Variants in RSBN1L observed in about 807,000 individuals in gnomAD.
The protein encoded by RSBN1L is lysine-specific demethylase RSBN1L.
Under a neutral mutation model 67.7 loss-of-function variants are expected in RSBN1L, and 30 were observed. The ratio of observed to expected loss-of-function variants is 0.44; its 90% CI spans 0.33 to 0.60. RSBN1L has a LOEUF of 0.60. RSBN1L is among the 20% of genes least tolerant of loss of function. RSBN1L has a pLI of 0.02. For missense variants in RSBN1L, 992 were observed against 1,031.7 expected, an observed-to-expected ratio of 0.96 and a Z score of 0.53; for synonymous variants, 433 against 387.0, an observed-to-expected ratio of 1.12 and a Z score of -1.39.
In RSBN1L at chr7:77,703,477, GTTTTTTTTTTT is replaced by G. The variant is rs71529102; in HGVS notation, c.586+6442_586+6452del. Among the ~76,000 whole-genome samples, 416 of 61,598 alleles carry G rather than the reference GTTTTTTTTTTT, an allele frequency of 6.8e-3. 1 individual carries two copies. The highest frequency in any genetic ancestry group is 0.011 in the Admixed American group (36 of 3,272). The allele number at this position is 61,598 out of a possible 152,430, so 40.4% of individuals were successfully genotyped here. A position where few individuals can be genotyped will look rare whatever the true frequency, so the allele number is the denominator to read the frequency against. ...GTGTCTCTTTTTTCCTACTGTTTGG[GTTTTTTTTTTT>G]TTTTTTTTTTTTTTTTTTTGAGAAG... On this transcript the variant is annotated intron_variant, in intron 1 of 7. Transcript: ENST00000334955.
At chr7:77,722,835 T>C (rs1029331292) in intron 1 of RSBN1L, among the ~76,000 whole-genome samples, 3 of 152,108 alleles carry the variant, frequency 2.0e-5, no homozygotes, top group African/African-American at 7.2e-5. Flanking sequence ...TATTATGGTG[T>C]GAATTATGGC....
rs769299351 is a variant in RSBN1L, at chr7:77,778,438, C to T, written c.1894C>T (p.Leu632=). Residue 632 remains leucine, a synonymous_variant, in exon 7 of 8, where the codon CTG becomes TTG. Coordinates refer to ENST00000334955, the MANE Select transcript of RSBN1L (RefSeq NM_198467.3). ...RMQLDLHEPP[L]SQCVQWVDDA... The stretch of plus-strand genomic sequence containing the variant: ...GCAGTTAGATTTACATGAACCTCCA[C>T]TGTCCCAGGTATTTTTAATACACTT... The T allele has an allele frequency of 1.9e-6, 3 of 1,609,548 alleles. No homozygotes were observed. In the South Asian group the frequency reaches 3.3e-5, roughly 18 times the overall value.
intron 5 of RSBN1L, among the ~76,000 whole-genome samples, chr7:77,770,906 GA>G (rs1791840121): frequency 1.3e-5 from 2 of 152,130 alleles, no homozygotes; most frequent in African/African-American, 4.8e-5. Context: ...GGAATGGATG[GA>G]GATGATGCTA....
chr7:77,762,537 C>G (rs899407800), intron 3 of RSBN1L, among the ~76,000 whole-genome samples: 2 of 152,060 alleles, frequency 1.3e-5, no homozygotes, highest in African/African-American at 2.4e-5. Context: ...ATGGCTAGGT[C>G]AGTAATACTT....
chr7:77,763,271 C>G (rs1791719619), intron 3 of RSBN1L, among the ~76,000 whole-genome samples: 1 of 151,510 alleles, frequency 6.6e-6, no homozygotes, highest in African/African-American at 2.4e-5. Flanking sequence ...GTGTCACCAC[C>G]CCTAACTCTA....
In RSBN1L at chr7:77,696,493, G is replaced by C; in HGVS notation, c.24G>C (p.Val8=). The C allele has an allele frequency of 6.2e-7, 1 of 1,613,184 alleles. No homozygotes were observed. Among genetic ancestry groups the C allele is most frequent in the Non-Finnish European group, 8.5e-7 (1 of 1,179,642 alleles). The part of the protein sequence containing the change: MAEPPSP[V]HCVAAAAPTA... ...AAATGGCGGAACCGCCGAGCCCCGT[G>C]CACTGTGTCGCTGCCGCGGCCCCCA... The change falls in exon 1 of 8, where the codon GTG becomes GTC. Residue 8 remains valine (V), a synonymous_variant. Transcript: ENST00000334955.
chr7:77,705,510 G>GTTTTTTTTTT lies in RSBN1L; in HGVS notation c.586+8465_586+8474dup, dbSNP rs56187940. ...ACCACTAGGTCTCTCCATTGTAATG[G>GTTTTTTTTTT]TTTTTTTTTTTTTTTTTTTGTGATG... On this transcript the variant is annotated intron_variant, in intron 1 of 7. Transcript: ENST00000334955. 8.6e-4 allele frequency among the ~76,000 whole-genome samples: 96 copies of GTTTTTTTTTT among 111,444 alleles called. 1 individual carries two copies. The highest frequency in any genetic ancestry group is 6.0e-3 in the Middle Eastern group (1 of 168). 73.1% of individuals were successfully genotyped at this position (111,444 alleles called of 152,430 possible). A position where few individuals can be genotyped will look rare whatever the true frequency, so the allele number is the denominator to read the frequency against.
intron 1 of RSBN1L, among the ~76,000 whole-genome samples, chr7:77,733,176 G>A (rs1357310148): frequency 5.3e-5 from 8 of 152,200 alleles, no homozygotes; most frequent in Admixed American, 1.3e-4. Context: ...AAAAAGGATA[G>A]GCTCTACCAA....
At position 77,756,894 on chromosome 7, in the gene RSBN1L, A is replaced by G. The variant is rs193124215; in HGVS notation, c.1344+6830A>G. 1.4e-3 allele frequency among the ~76,000 whole-genome samples: 217 copies of G among 152,358 alleles called. 1 individual carries two copies. The highest frequency in any genetic ancestry group is 5.1e-3 in the African/African-American group (212 of 41,578). On this transcript the variant is annotated intron_variant, in intron 3 of 7. Transcript: ENST00000334955. ...CTATATGTGTTTTGTATTTTCTTAT[A>G]TAATGATAGAAGCTGCGCACTGCAG...
intron 1 of RSBN1L, among the ~76,000 whole-genome samples, chr7:77,708,788 G>T (rs1425702338): frequency 6.6e-6 from 1 of 152,148 alleles, no homozygotes; most frequent in East Asian, 1.9e-4. Context: ...TGTGTAGGAT[G>T]GATTGGCTGA....
At position 77,779,207 on chromosome 7, in the gene RSBN1L, T is replaced by A; in HGVS notation, c.*39T>A. 1 of 1,391,052 alleles carries A rather than the reference T, an allele frequency of 7.2e-7. No individual in the cohort carries two copies. Among genetic ancestry groups the A allele is most frequent in the Non-Finnish European group, 9.8e-7 (1 of 1,023,820 alleles). The allele number at this position is 1,391,052 out of a possible 1,614,324, so 86.2% of individuals were successfully genotyped here. A position where few individuals can be genotyped will look rare whatever the true frequency, so the allele number is the denominator to read the frequency against. ...ATCTAAAATCCTTTTTTAAAAAAAT[T>A]TAATGTAATAAAGATTCATGAATTC... is the stretch of plus-strand genomic sequence containing the variant. On this transcript the variant is annotated 3_prime_UTR_variant, in exon 8 of 8. Transcript: ENST00000334955.
At chr7:77,742,182 TACACACACACACACACAC>T (rs1169498942) in intron 2 of RSBN1L, among the ~76,000 whole-genome samples, 804 of 80,310 alleles carry the variant, frequency 0.01, 5 homozygotes, top group African/African-American at 0.044. Context: ...AAAAAAAAAA[TACACACACACACACACAC>T]ACACACACAC....
Position 77,696,801 on chromosome 7 carries a change from C to G in RSBN1L, c.332C>G (p.Ala111Gly). The G allele has an allele frequency of 6.2e-7, 1 of 1,613,762 alleles. No individual in the cohort carries two copies. The highest frequency in any genetic ancestry group is 1.1e-5 in the South Asian group (1 of 91,074). The change falls in exon 1 of 8, where the codon GCC becomes GGC. Residue 111 changes from alanine (A) to glycine (G), a missense_variant. By Grantham distance (60) the Ala-to-Gly change is moderately conservative. Transcript: ENST00000334955. ...AGTTTCTCTTTCTCCGCTGGCACGGCCGTTCCCTCCTCAGCCTCCGCTTCC... is the reference window on the plus strand; with the variant it reads ...AGTTTCTCTTTCTCCGCTGGCACGGGCGTTCCCTCCTCAGCCTCCGCTTCC... ...RSSFSFSAGT[A>G]VPSSASASLS...
Position 77,696,910 on chromosome 7 carries a change from C to G in RSBN1L, c.441C>G (p.Ala147=), listed in dbSNP as rs760622458. 5 of 1,604,016 alleles carry G rather than the reference C, an allele frequency of 3.1e-6. No individual in the cohort carries two copies. Among genetic ancestry groups the G allele is most frequent in the East Asian group, 2.2e-5 (1 of 44,852 alleles). ...CTCACCATCTCCTCCTGCCCGCCGC[C>G]GCCGCCGCTGCCTCGGCTAACGCCA... is the stretch of plus-strand genomic sequence containing the variant. The part of the protein sequence containing the change: ...AQPHHLLLPA[A]AAAASANAKS... The change falls in exon 1 of 8, where the codon GCC becomes GCG. Residue 147 remains alanine (A), a synonymous_variant. Transcript: ENST00000334955.
At chr7:77,749,342 C>A in intron 2 of RSBN1L, 82 bp from the exon 3 acceptor site, 2 of 1,059,106 alleles carry the variant, frequency 1.9e-6, no homozygotes, top group Non-Finnish European at 1.3e-6. Context: ...AAGTAAACTT[C>A]TTACTTAGAC....
chr7:77,758,176 A>G lies in RSBN1L; in HGVS notation c.1345-7319A>G, dbSNP rs144459316. Among the ~76,000 whole-genome samples the G allele has an allele frequency of 6.9e-3, 1,052 of 152,250 alleles. 17 individuals carry two copies. Among genetic ancestry groups the G allele is most frequent in the African/African-American group, 0.024 (982 of 41,552 alleles). On this transcript the variant is annotated intron_variant, in intron 3 of 7. Coordinates refer to ENST00000334955, the MANE Select transcript of RSBN1L (RefSeq NM_198467.3). Reference sequence around the variant, plus strand: ...TATATGATGGTAGAAGTTGTGAATTATATATATTTTAACAGGTCATTGTCC... The same window carrying G: ...TATATGATGGTAGAAGTTGTGAATTGTATATATTTTAACAGGTCATTGTCC...
intron 1 of RSBN1L, among the ~76,000 whole-genome samples, chr7:77,709,816 A>G (rs547615712): frequency 2.6e-5 from 4 of 152,288 alleles, no homozygotes; most frequent in South Asian, 2.1e-4. Flanking sequence ...GCACTCCTCA[A>G]ATTTTAACTT....
intron 3 of RSBN1L, among the ~76,000 whole-genome samples, chr7:77,758,490 A>G (rs924767202): frequency 6.6e-6 from 1 of 152,232 alleles, no homozygotes; most frequent in Non-Finnish European, 1.5e-5. Flanking sequence ...TTGAGTTACA[A>G]ACAATCCAGT....
At chr7:77,750,931 T>C (rs1184447357) in intron 3 of RSBN1L, among the ~76,000 whole-genome samples, 1 of 152,178 alleles carries the variant, frequency 6.6e-6, no homozygotes, top group Non-Finnish European at 1.5e-5. Context: ...TGTTTAACAT[T>C]GTCAGCAGTG....
Sources: gnomAD v4.1 joint callset for allele counts (sites outside exome capture counted in the v4.1 genomes callset) on GRCh38, gnomAD v4.1.1 for gene constraint, MANE v1.5 for transcripts, NCBI Gene and HGNC (gene_info 2026-07-23, HGNC 2026-07-21) for gene names.